The following EVI2B variants were observed in gnomAD, a reference collection of about 807,000 sequenced individuals.
EVI2B encodes protein EVI2B.
In EVI2B, 4 loss-of-function variants were observed where a neutral mutation model predicts 6.6. That is an observed-to-expected ratio of 0.61 (90% CI 0.30 to 1.39). EVI2B has a LOEUF of 1.39. EVI2B is among the 40% of genes most tolerant of loss of function. EVI2B has a pLI of 0.08. For missense variants in EVI2B, 484 were observed against 516.6 expected (o/e 0.94, Z 0.61); for synonymous variants, 181 against 186.8 (o/e 0.97, Z 0.25).
chr17:31,305,391 A>G lies in EVI2B; in HGVS notation c.219T>C (p.Pro73=). 1 of 1,614,176 alleles carries G rather than the reference A, an allele frequency of 6.2e-7. No individual in the cohort carries two copies. Among genetic ancestry groups the G allele is most frequent in the Non-Finnish European group, 8.5e-7 (1 of 1,180,024 alleles). The change falls in exon 2 of 2, where the codon CCT becomes CCC. Residue 73 remains proline, a synonymous_variant. Transcript: ENST00000330927. The stretch of plus-strand genomic sequence containing the variant: ...TTGGTTGTCCAGCAGTGACTTTGGC[A>G]GGTGATATTGATTGTCCAGAAAAAG... ...SDTFSGQSIS[P]AKVTAGQPTP...
Position 31,305,167 on chromosome 17 carries a change from T to G in EVI2B, c.443A>C (p.Gln148Pro). The change falls in exon 2 of 2, where the codon CAA (glutamine) becomes CCA (proline). Residue 148 changes from glutamine to proline, a missense_variant. By Grantham distance (76) the Gln-to-Pro change is moderately conservative (BLOSUM62 -1). Transcript: ENST00000330927. Reference protein sequence around the residue: ...PPKSFVYTFTQQSSSVQIPSR... With the variant: ...PPKSFVYTFTPQSSSVQIPSR... The stretch of plus-strand genomic sequence containing the variant: ...AGGGATCTGGACAGATGATGATTGT[T>G]GAGTAAAAGTATAGACAAATGACTT... 1 of 1,614,160 alleles carries G rather than the reference T, an allele frequency of 6.2e-7. No individual in the cohort carries two copies. The highest frequency in any genetic ancestry group is 2.2e-5 in the East Asian group (1 of 44,890).
In EVI2B at chr17:31,305,455, G is replaced by T; in HGVS notation, c.155C>A (p.Thr52Lys). The change falls in exon 2 of 2, where the codon ACA (threonine) becomes AAA (lysine). Residue 52 changes from threonine to lysine, a missense_variant. Physicochemically the swap from Thr to Lys is moderately conservative, Grantham distance 78. Transcript: ENST00000330927. ...SQVLANSQNT[T>K]GNPLGQPTQF... ...TGTTGGTTGACCCAAAGGATTCCCTGTTGTGTTTTGAGAATTAGCCAATAC... is the reference window on the plus strand; with the variant it reads ...TGTTGGTTGACCCAAAGGATTCCCTTTTGTGTTTTGAGAATTAGCCAATAC... 6.2e-7 allele frequency: 1 copy of T among 1,614,196 alleles called. No homozygotes were observed. The highest frequency in any genetic ancestry group is 8.5e-7 in the Non-Finnish European group (1 of 1,180,028).
In EVI2B at chr17:31,305,316, A is replaced by G; in HGVS notation, c.294T>C (p.Ala98=). The G allele has an allele frequency of 6.2e-7, 1 of 1,614,212 alleles. No individual in the cohort carries two copies. Among genetic ancestry groups the G allele is most frequent in the Middle Eastern group, 1.6e-4 (1 of 6,062 alleles). ...SSEKPEAHTS[A]GQPLAYNTKQ... The stretch of plus-strand genomic sequence containing the variant: ...TGGTGTTGTAGGCAAGTGGTTGTCC[A>G]GCAGAAGTATGTGCTTCTGGTTTTT... The change falls in exon 2 of 2, where the codon GCT becomes GCC. Residue 98 remains alanine, a synonymous_variant. Transcript: ENST00000330927.
Position 31,304,428 on chromosome 17 carries a change from TG to T in EVI2B, c.1181del (p.Ser394TyrfsTer15). The T allele has an allele frequency of 6.2e-7, 1 of 1,614,134 alleles. No individual in the cohort carries two copies. The highest frequency in any genetic ancestry group is 1.1e-5 in the South Asian group (1 of 91,078). On this transcript the variant is annotated frameshift_variant, in exon 2 of 2. Transcript: ENST00000330927. LOFTEE classifies it high-confidence loss of function. Reference protein sequence around the residue: ...CGDHKSEIIQSFPPLDSLNLP... With the variant: ...CGDHKSEIIQXFPPLDSLNLP... The stretch of plus-strand genomic sequence containing the variant: ...AGTTAAGTGAGTCAAGCGGTGGAAA[TG>T]ATTGTATTATCTCAGATTTATGATC...
intron 1 of EVI2B, among the ~76,000 whole-genome samples, chr17:31,308,696 C>T (rs1464754318): frequency 2.0e-5 from 3 of 152,004 alleles, no homozygotes; most frequent in Non-Finnish European, 4.4e-5. Flanking sequence ...ATATCTGAAT[C>T]TGTCCTCATC....
At chr17:31,310,058 A>AC (rs1303074544) in intron 1 of EVI2B, among the ~76,000 whole-genome samples, 1 of 152,150 alleles carries the variant, frequency 6.6e-6, no homozygotes, top group Non-Finnish European at 1.5e-5. Context: ...GAAAAAACTG[A>AC]CTTTTTTCCC....
chr17:31,308,361 G>A (rs1483987222), intron 1 of EVI2B, among the ~76,000 whole-genome samples: 2 of 151,910 alleles, frequency 1.3e-5, no homozygotes, highest in East Asian at 1.9e-4. Flanking sequence ...GACCGGTCTC[G>A]AACTCCTGAC....
intron 1 of EVI2B, among the ~76,000 whole-genome samples, chr17:31,313,139 TAGTC>T (rs1218777032): frequency 6.6e-6 from 1 of 152,154 alleles, no homozygotes; most frequent in African/African-American, 2.4e-5. Flanking sequence ...ATAATAATAA[TAGTC>T]AAATACCACA....
chr17:31,308,316 T>A (rs2068781484), intron 1 of EVI2B, among the ~76,000 whole-genome samples: 1 of 152,056 alleles, frequency 6.6e-6, no homozygotes, highest in Admixed American at 6.6e-5. Flanking sequence ...AATTTTTGTA[T>A]TTTTAGTAGA....
chr17:31,313,030 G>A (rs544722459), intron 1 of EVI2B, among the ~76,000 whole-genome samples: 1 of 152,080 alleles, frequency 6.6e-6, no homozygotes, highest in East Asian at 1.9e-4. Context: ...TTTGATTATT[G>A]ACTAACATTT....
intron 1 of EVI2B, chr17:31,307,762 G>A: frequency 1.8e-6 from 1 of 561,578 alleles, no homozygotes; most frequent in Non-Finnish European, 2.8e-6. Flanking sequence ...TTAGGGAATA[G>A]AAAATCTTAG....
At position 31,304,068 on chromosome 17, in the gene EVI2B, T is replaced by C; in HGVS notation, c.*195A>G. The stretch of plus-strand genomic sequence containing the variant: ...ATACTTTAAAGATAGGTACTATAAT[T>C]AGTAAATAGATTACTGTTAAATAAC... On this transcript the variant is annotated 3_prime_UTR_variant, in exon 2 of 2. Transcript: ENST00000330927. 1 of 511,270 alleles carries C rather than the reference T, an allele frequency of 2.0e-6. No individual in the cohort carries two copies. The allele number at this position is 511,270 out of a possible 1,614,324, so 31.7% of individuals were successfully genotyped here.
At chr17:31,306,392 A>G (rs1357341612) in intron 1 of EVI2B, among the ~76,000 whole-genome samples, 3 of 152,040 alleles carry the variant, frequency 2.0e-5, no homozygotes, top group African/African-American at 4.8e-5. Flanking sequence ...TCCATATTTT[A>G]TATATATAGA....
Position 31,304,388 on chromosome 17 carries a change from C to T in EVI2B, c.1222G>A (p.Val408Ile), listed in dbSNP as rs779129657. The T allele has an allele frequency of 6.2e-7, 1 of 1,614,072 alleles. No individual in the cohort carries two copies. ...TCTTCTTGGTTTTTCATAAAATCTA[C>T]TGGTGGCAGGGGCAAGTTAAGTGAG... ...LDSLNLPLPP[V>I]DFMKNQEDSN... The change falls in exon 2 of 2, where the codon GTA becomes ATA. Residue 408 changes from valine (V) to isoleucine (I), a missense_variant. Val to Ile is a conservative substitution (Grantham distance 29). Coordinates refer to ENST00000330927, the MANE Select transcript of EVI2B (RefSeq NM_006495.4).
chr17:31,304,180 G>A lies in EVI2B; in HGVS notation c.*83C>T. ...GAATAAAAATCAAAATTGACTATCA[G>A]TTGCCATTTTATATATGTTAACATA... On this transcript the variant is annotated 3_prime_UTR_variant, in exon 2 of 2. Transcript: ENST00000330927. The A allele has an allele frequency of 7.5e-7, 1 of 1,336,428 alleles. No homozygotes were observed. Among genetic ancestry groups the A allele is most frequent in the East Asian group, 2.4e-5 (1 of 42,540 alleles). 82.8% of individuals were successfully genotyped at this position (1,336,428 alleles called of 1,614,324 possible). A position where few individuals can be genotyped will look rare whatever the true frequency, so the allele number is the denominator to read the frequency against.
Position 31,313,986 on chromosome 17 carries a change from G to A in EVI2B, c.-29C>T, listed in dbSNP as rs1458334345. ...GTGTGAAAATTTTCTTACCTCAGCT[G>A]TTAACTTCTTTTGCAGAATGCTAAA... On this transcript the variant is annotated 5_prime_UTR_variant, in exon 1 of 2. Coordinates refer to ENST00000330927, the MANE Select transcript of EVI2B (RefSeq NM_006495.4). 2.5e-6 allele frequency: 1 copy of A among 397,904 alleles called. No individual in the cohort carries two copies. Among genetic ancestry groups the A allele is most frequent in the Non-Finnish European group, 4.4e-6 (1 of 225,778 alleles). The allele number at this position is 397,904 out of a possible 1,614,324, so 24.6% of individuals were successfully genotyped here.
At position 31,304,972 on chromosome 17, in the gene EVI2B, G is replaced by C. The variant is rs750226706; in HGVS notation, c.638C>G (p.Thr213Ser). ...IAAILIGVLLTSMLVAIIIIV... is the reference protein window; with the variant it reads ...IAAILIGVLLSSMLVAIIIIV... ...GATGATTATAGCTACCAACATAGAA[G>C]TCAGAAGTACACCAATTAGTATGGC... Residue 213 changes from threonine to serine, a missense_variant, in exon 2 of 2, where the codon ACT becomes AGT. Transcript: ENST00000330927. The C allele has an allele frequency of 2.5e-6, 4 of 1,614,132 alleles. No individual in the cohort carries two copies. Among genetic ancestry groups the C allele is most frequent in the Non-Finnish European group, 3.4e-6 (4 of 1,180,012 alleles).
intron 1 of EVI2B, chr17:31,307,907 G>T: frequency 7.8e-7 from 1 of 1,289,170 alleles, no homozygotes; most frequent in Non-Finnish European, 1.0e-6. Context: ...TATCTAAACA[G>T]CATATCATTG....
In EVI2B at chr17:31,304,840, A is replaced by G; in HGVS notation, c.770T>C (p.Ile257Thr). Residue 257 changes from isoleucine (I) to threonine (T), a missense_variant, in exon 2 of 2, where the codon ATC becomes ACC. By Grantham distance (89) the Ile-to-Thr change is moderately conservative. Transcript: ENST00000330927. ...GETPDICMDN[I>T]RENEISTKRT... The stretch of plus-strand genomic sequence containing the variant: ...TTTTGTGGATATTTCATTTTCTCTG[A>G]TGTTATCCATACAAATGTCAGGGGT... 2 of 1,613,972 alleles carry G rather than the reference A, an allele frequency of 1.2e-6. No homozygotes were observed. The highest frequency in any genetic ancestry group is 1.7e-6 in the Non-Finnish European group (2 of 1,179,996).
Sources: allele counts gnomAD v4.1 joint callset (sites outside exome capture counted in the v4.1 genomes callset), GRCh38; gene constraint gnomAD v4.1.1; transcripts MANE v1.5; gene names NCBI Gene and HGNC (gene_info 2026-07-23, HGNC 2026-07-21).